RGL1: variants seen among roughly 807,000 people sequenced by gnomAD.
The protein encoded by RGL1 is ral guanine nucleotide dissociation stimulator-like 1.
A neutral mutation model predicts 95.2 loss-of-function variants in RGL1; 24 were observed. The observed-to-expected ratio is 0.25, with a 90% CI of 0.18 to 0.35. The LOEUF (loss-of-function observed/expected upper bound fraction) is 0.35. Among genes scored for constraint, RGL1 ranks in the 10% least tolerant of loss-of-function variants. The pLI is 1.00. For missense variants in RGL1, 715 were observed against 936.3 expected, an observed-to-expected ratio of 0.76 and a Z score of 3.08; for synonymous variants, 329 against 344.9, an observed-to-expected ratio of 0.95 and a Z score of 0.51.
chr1:183,771,558 C>T (rs983034043), intron 2 of RGL1, among the ~76,000 whole-genome samples: 4 of 152,156 alleles, frequency 2.6e-5, no homozygotes, highest in African/African-American at 9.7e-5. Context: ...AGAACTTAAA[C>T]GCTGAAATGT....
intron 2 of RGL1, among the ~76,000 whole-genome samples, chr1:183,846,094 G>A (rs1041001964): frequency 1.3e-5 from 2 of 152,168 alleles, no homozygotes; most frequent in Non-Finnish European, 1.5e-5. Context: ...ACATGCACAC[G>A]TGTGTTTATT....
At chr1:183,833,478 A>T (rs1461881896) in intron 2 of RGL1, among the ~76,000 whole-genome samples, 1 of 152,212 alleles carries the variant, frequency 6.6e-6, no homozygotes, top group East Asian at 1.9e-4. Flanking sequence ...TCTCTGGGGC[A>T]TGGGCTCAGG....
intron 1 of RGL1, among the ~76,000 whole-genome samples, chr1:183,738,435 GAAAA>G (rs1199734318): frequency 1.3e-5 from 2 of 151,358 alleles, no homozygotes; most frequent in African/African-American, 4.9e-5. Context: ...AAAAAAGAAA[GAAAA>G]AGAAAGAAGT....
At chr1:183,760,933 C>G (rs765159681) in intron 2 of RGL1, among the ~76,000 whole-genome samples, 2 of 152,186 alleles carry the variant, frequency 1.3e-5, no homozygotes, top group Non-Finnish European at 2.9e-5. Context: ...AGAAGTCACT[C>G]GTTGTCCATT....
At chr1:183,828,811 G>A (rs186894456) in intron 2 of RGL1, among the ~76,000 whole-genome samples, 2 of 152,184 alleles carry the variant, frequency 1.3e-5, no homozygotes, top group Admixed American at 1.3e-4. Flanking sequence ...TCAGGAACAA[G>A]TTAAAGCAAG....
chr1:183,759,480 T>G (rs1658536890), intron 2 of RGL1, among the ~76,000 whole-genome samples: 1 of 152,188 alleles, frequency 6.6e-6, no homozygotes, highest in African/African-American at 2.4e-5. Flanking sequence ...AAAGGTATGC[T>G]CTCTGACTTT....
chr1:183,760,933 CGTT>C (rs1558192590), intron 2 of RGL1, among the ~76,000 whole-genome samples: 2 of 152,186 alleles, frequency 1.3e-5, no homozygotes, highest in Non-Finnish European at 2.9e-5. Flanking sequence ...AGAAGTCACT[CGTT>C]GTCCATTCAA....
chr1:183,818,783 A>G (rs767403259), intron 2 of RGL1, among the ~76,000 whole-genome samples: 59 of 152,022 alleles, frequency 3.9e-4, no homozygotes, highest in Non-Finnish European at 7.5e-4. Context: ...TTTTTTTGGT[A>G]TTTGGTAATA....
At chr1:183,663,507 A>G (rs1192213414) in intron 1 of RGL1, among the ~76,000 whole-genome samples, 2 of 152,110 alleles carry the variant, frequency 1.3e-5, no homozygotes, top group Admixed American at 6.5e-5. Context: ...TCAAAATCAC[A>G]ATGAGATACC....
chr1:183,866,132 T>G (rs1572523368), intron 4 of RGL1, 59 bp downstream of exon 4: 2 of 1,348,018 alleles, frequency 1.5e-6, no homozygotes, highest in African/African-American at 2.9e-5. Context: ...CTTAAAGTAG[T>G]TTAGTAGAGT....
intron 1 of RGL1, among the ~76,000 whole-genome samples, chr1:183,662,216 T>C (rs1273415243): frequency 1.3e-5 from 2 of 151,282 alleles, no homozygotes; most frequent in Non-Finnish European, 2.9e-5. Flanking sequence ...GCCAGGGCAA[T>C]TAGGCAGGAG....
At chr1:183,805,955 CTTTTTCTTTTCTTTTCTTTTTTTTTT>C (rs1558217065) in intron 1 of RGL1, among the ~76,000 whole-genome samples, 16 of 50,798 alleles carry the variant, frequency 3.1e-4, no homozygotes, top group Non-Finnish European at 6.7e-4. Context: ...TTTTCTTTTT[CTTTTTCTTTTCTTTTCTTTTTTTTTT>C]TTTTTTTTTT....
In RGL1 at chr1:183,916,563, A is replaced by G; in HGVS notation, c.1866A>G (p.Lys622=). ...CTCCGTCCTGCAACAACAACCCCAA[A>G]ATCCACAAGCGCTCTGTCTCGGTGA... ...SSPPSCNNNP[K]IHKRSVSVTS... is the part of the protein sequence containing the mutation. The change falls in exon 16 of 18, where the codon AAA becomes AAG. Residue 622 remains lysine (K), a synonymous_variant. Transcript: ENST00000360851. The G allele has an allele frequency of 6.2e-7, 1 of 1,612,170 alleles. No homozygotes were observed. The highest frequency in any genetic ancestry group is 8.5e-7 in the Non-Finnish European group (1 of 1,179,684).
intron 11 of RGL1, among the ~76,000 whole-genome samples, chr1:183,900,753 AC>A (rs1667968501): frequency 1.3e-5 from 2 of 151,622 alleles, no homozygotes. Context: ...TGATCCGCCC[AC>A]CTTGGCCTTC....
intron 1 of RGL1, among the ~76,000 whole-genome samples, chr1:183,653,692 TG>T (rs999566824): frequency 6.6e-6 from 1 of 152,220 alleles, no homozygotes; most frequent in African/African-American, 2.4e-5. Context: ...GGGGTGTTTT[TG>T]ATTCTGTCTA....
intron 2 of RGL1, among the ~76,000 whole-genome samples, chr1:183,842,735 C>T (rs1389150237): frequency 2.0e-5 from 3 of 152,210 alleles, no homozygotes; most frequent in Admixed American, 2.0e-4. Context: ...CTCAGGCCTC[C>T]GTGTCTTGCT....
chr1:183,639,108 T>C (rs922506255), intron 1 of RGL1, among the ~76,000 whole-genome samples: 1 of 152,026 alleles, frequency 6.6e-6, no homozygotes, highest in African/African-American at 2.4e-5. Flanking sequence ...GGGGAAACCC[T>C]GTCTCTACTA....
intron 6 of RGL1, 116 bp downstream of exon 6, chr1:183,884,026 G>C (rs1344406044): frequency 1.8e-6 from 2 of 1,089,242 alleles, no homozygotes; most frequent in African/African-American, 3.1e-5. Flanking sequence ...TTGAATCCTT[G>C]AGACAGGCTG....
intron 1 of RGL1, among the ~76,000 whole-genome samples, chr1:183,665,433 A>T (rs945299080): frequency 6.6e-6 from 1 of 152,188 alleles, no homozygotes; most frequent in African/African-American, 2.4e-5. Context: ...ACTTGCTTCT[A>T]TCTTCTGAAA....
Sources: allele counts gnomAD v4.1 joint callset (sites outside exome capture counted in the v4.1 genomes callset), GRCh38; gene constraint gnomAD v4.1.1; transcripts MANE v1.5; gene names NCBI Gene and HGNC (gene_info 2026-07-23, HGNC 2026-07-21).